The following GYPC variants were observed in gnomAD, a reference collection of about 807,000 sequenced individuals.
GYPC encodes the protein glycophorin-C.
Under a neutral mutation model 12.6 loss-of-function variants are expected in GYPC, and 14 were observed. The observed-to-expected ratio is 1.11, with a 90% CI of 0.74 to 1.74. The LOEUF is 1.74. Ranked by LOEUF, GYPC falls within the 40% of genes most tolerant of loss-of-function variation. The probability of loss-of-function intolerance (pLI) is 0.00; values close to 1 mark genes in which losing one functional copy is unlikely to be tolerated. For missense variants in GYPC, 225 were observed against 172.1 expected (o/e 1.31, Z -1.72); for synonymous variants, 78 against 62.1 (o/e 1.26, Z -1.20).
At chr2:126,670,501 C>T (rs991557129) in intron 1 of GYPC, among the ~76,000 whole-genome samples, 1 of 152,208 alleles carries the variant, frequency 6.6e-6, no homozygotes, top group African/African-American at 2.4e-5. Context: ...CCTGTGTCCT[C>T]ACAGGCACTT....
intron 1 of GYPC, chr2:126,678,442 C>G (rs1041104061): frequency 3.3e-5 from 5 of 152,544 alleles, no homozygotes; most frequent in African/African-American, 1.2e-4. Context: ...GCTGCAGGCT[C>G]CCTCCCCATC....
intron 1 of GYPC, among the ~76,000 whole-genome samples, chr2:126,682,076 C>T (rs767757423): frequency 5.3e-5 from 8 of 152,210 alleles, no homozygotes; most frequent in Admixed American, 1.3e-4. Context: ...TTCTGCGCTC[C>T]AGCCACCTCC....
chr2:126,666,192 C>A (rs1682672522), intron 1 of GYPC, among the ~76,000 whole-genome samples: 1 of 152,176 alleles, frequency 6.6e-6, no homozygotes, highest in African/African-American at 2.4e-5. Context: ...CCAGGCCAAC[C>A]CACTCTTCCC....
intron 1 of GYPC, among the ~76,000 whole-genome samples, chr2:126,677,528 TGTGA>T (rs1683037185): frequency 6.6e-6 from 1 of 150,670 alleles, no homozygotes; most frequent in African/African-American, 2.4e-5. Flanking sequence ...TCTGTGTGTG[TGTGA>T]GTCTGTGTGT....
chr2:126,661,218 C>A (rs539244703), intron 1 of GYPC, among the ~76,000 whole-genome samples: 146 of 152,154 alleles, frequency 9.6e-4, no homozygotes, highest in Non-Finnish European at 1.8e-3. Flanking sequence ...CAGTTCTGAC[C>A]CCTTCACAAG....
chr2:126,671,787 A>C (rs1312908075), intron 1 of GYPC, among the ~76,000 whole-genome samples: 1 of 152,226 alleles, frequency 6.6e-6, no homozygotes, highest in African/African-American at 2.4e-5. Flanking sequence ...CGAGGTGGAC[A>C]CATGGGTAGG....
intron 1 of GYPC, among the ~76,000 whole-genome samples, chr2:126,675,393 C>T (rs557030986): frequency 1.0e-3 from 157 of 152,270 alleles, no homozygotes; most frequent in African/African-American, 3.8e-3. Context: ...CCTCCTACAT[C>T]TCCCATCACA....
At chr2:126,673,110 G>C (rs1214910568) in intron 1 of GYPC, among the ~76,000 whole-genome samples, 2 of 152,054 alleles carry the variant, frequency 1.3e-5, no homozygotes, top group Non-Finnish European at 2.9e-5. Context: ...TTGATGTGAT[G>C]AACGGTCCAG....
At chr2:126,688,766 A>G (rs771227341) in intron 1 of GYPC, among the ~76,000 whole-genome samples, 9 of 152,034 alleles carry the variant, frequency 5.9e-5, no homozygotes, top group Admixed American at 1.3e-4. Flanking sequence ...CTCACCCACT[A>G]TGACTCCTGA....
intron 1 of GYPC, among the ~76,000 whole-genome samples, chr2:126,685,665 G>C (rs953793691): frequency 6.6e-6 from 1 of 152,166 alleles, no homozygotes; most frequent in South Asian, 2.1e-4. Context: ...TTACAGGCAT[G>C]AGCCACTGCA....
intron 1 of GYPC, among the ~76,000 whole-genome samples, chr2:126,684,248 C>A (rs1683226379): frequency 6.6e-6 from 1 of 152,208 alleles, no homozygotes; most frequent in Non-Finnish European, 1.5e-5. Flanking sequence ...TCACATCAAC[C>A]TCACCTGTGT....
intron 1 of GYPC, among the ~76,000 whole-genome samples, chr2:126,670,385 C>A (rs1398293089): frequency 6.6e-6 from 1 of 152,210 alleles, no homozygotes; most frequent in Admixed American, 6.5e-5. Flanking sequence ...GCCCAGCAGG[C>A]CACCCACCTC....
intron 1 of GYPC, among the ~76,000 whole-genome samples, chr2:126,682,409 C>T (rs561213410): frequency 6.6e-6 from 1 of 152,146 alleles, no homozygotes; most frequent in South Asian, 2.1e-4. Context: ...AATCCCTGAA[C>T]CCAGCACCAG....
At chr2:126,665,553 G>A (rs1355989380) in intron 1 of GYPC, among the ~76,000 whole-genome samples, 1 of 152,172 alleles carries the variant, frequency 6.6e-6, no homozygotes, top group African/African-American at 2.4e-5. Flanking sequence ...GCACAGATAA[G>A]GCTGGAGGAC....
chr2:126,661,338 C>T (rs1682530119), intron 1 of GYPC, among the ~76,000 whole-genome samples: 1 of 152,150 alleles, frequency 6.6e-6, no homozygotes. Flanking sequence ...GTCCCTGCTC[C>T]CTCTCCCGTT....
At chr2:126,659,934 C>T (rs1558877122) in intron 1 of GYPC, among the ~76,000 whole-genome samples, 2 of 152,110 alleles carry the variant, frequency 1.3e-5, no homozygotes, top group East Asian at 3.9e-4. Context: ...GGACTACCGG[C>T]ATACGCCACC....
chr2:126,693,786 G>GATGC, intron 2 of GYPC, 78 bp from the exon 3 acceptor site: 1 of 946,450 alleles, frequency 1.1e-6, no homozygotes, highest in South Asian at 1.3e-5. Context: ...CTGAGCAAAG[G>GATGC]ATGCAGCTTG....
At chr2:126,669,191 A>G (rs1243711122) in intron 1 of GYPC, among the ~76,000 whole-genome samples, 1 of 152,196 alleles carries the variant, frequency 6.6e-6, no homozygotes, top group Non-Finnish European at 1.5e-5. Context: ...TGGAGAATGA[A>G]TTGGTAAAGA....
chr2:126,686,360 G>A (rs146416340), intron 1 of GYPC: 383 of 985,754 alleles, frequency 3.9e-4, no homozygotes, highest in African/African-American at 3.0e-3. Context: ...TGTGTGCCCC[G>A]CTGCCTCCAG....
Sources: allele counts gnomAD v4.1 joint callset (sites outside exome capture counted in the v4.1 genomes callset), GRCh38; gene constraint gnomAD v4.1.1; transcripts MANE v1.5; gene names NCBI Gene and HGNC (gene_info 2026-07-23, HGNC 2026-07-21).